The following BBX variants were observed in gnomAD, a reference collection of about 807,000 sequenced individuals.
BBX encodes the protein HMG box transcription factor BBX.
Under a neutral mutation model 100.2 loss-of-function variants are expected in BBX, and 30 were observed. The observed-to-expected ratio is 0.30, with a 90% CI of 0.22 to 0.41. The LOEUF is 0.41. BBX is among the 10% of genes least tolerant of loss of function. The probability of loss-of-function intolerance (pLI) is 1.00; values close to 1 mark genes in which losing one functional copy is unlikely to be tolerated. For synonymous variants in BBX, 376 were observed against 388.1 expected (o/e 0.97, Z 0.37); for missense variants, 1,023 against 1,129.8 (o/e 0.91, Z 1.35).
intron 2 of BBX, among the ~76,000 whole-genome samples, chr3:107,599,964 G>A (rs984639470): frequency 1.3e-5 from 2 of 152,160 alleles, no homozygotes; most frequent in African/African-American, 2.4e-5. Flanking sequence ...AGATTCATGA[G>A]GAGCTTTTTG....
intron 2 of BBX, among the ~76,000 whole-genome samples, chr3:107,558,782 T>G (rs2050267133): frequency 6.6e-6 from 1 of 152,174 alleles, no homozygotes; most frequent in Non-Finnish European, 1.5e-5. Context: ...TCAAGCAGCC[T>G]AGCACCGGAG....
At chr3:107,589,350 A>G (rs2053122623) in intron 2 of BBX, among the ~76,000 whole-genome samples, 1 of 152,174 alleles carries the variant, frequency 6.6e-6, no homozygotes, top group African/African-American at 2.4e-5. Context: ...GTAGAAGAAA[A>G]TGATTGGTAG....
intron 3 of BBX, among the ~76,000 whole-genome samples, chr3:107,703,943 T>C (rs911809851): frequency 6.6e-6 from 1 of 152,232 alleles, no homozygotes; most frequent in Non-Finnish European, 1.5e-5. Flanking sequence ...GGTATTTTCA[T>C]GGTCTATGAG....
At chr3:107,543,681 A>G (rs1299082805) in intron 2 of BBX, among the ~76,000 whole-genome samples, 1 of 152,238 alleles carries the variant, frequency 6.6e-6, no homozygotes, top group Admixed American at 6.5e-5. Flanking sequence ...CAAATGCCCT[A>G]AGTTTATTAC....
chr3:107,665,538 G>A lies in BBX; in HGVS notation c.-10+19629G>A, dbSNP rs559470847. 2.6e-5 allele frequency among the ~76,000 whole-genome samples: 4 copies of A among 152,222 alleles called. No homozygotes were observed. The South Asian group carries it at 8.3e-4, about 32-fold the overall frequency. On this transcript the variant is annotated intron_variant, in intron 3 of 17. Transcript: ENST00000325805. ...ATAACTGTGTCACAGCAACCTGCCA[G>A]TGATTGTCTCTCATAACCAAGCAAG...
At chr3:107,555,606 T>C (rs557718191) in intron 2 of BBX, among the ~76,000 whole-genome samples, 7 of 152,314 alleles carry the variant, frequency 4.6e-5, no homozygotes, top group Non-Finnish European at 1.0e-4. Flanking sequence ...AAAATACAAT[T>C]ATGTATCCCT....
At chr3:107,616,880 A>G (rs1261226334) in intron 2 of BBX, among the ~76,000 whole-genome samples, 1 of 152,136 alleles carries the variant, frequency 6.6e-6, no homozygotes, top group Admixed American at 6.5e-5. Context: ...TAGAAAAGCA[A>G]ATGTTTCAAA....
At chr3:107,574,146 T>G (rs1343775837) in intron 2 of BBX, among the ~76,000 whole-genome samples, 1 of 152,264 alleles carries the variant, frequency 6.6e-6, no homozygotes, top group African/African-American at 2.4e-5. Flanking sequence ...ATACTCACTC[T>G]GAAGCAGGCA....
intron 3 of BBX, among the ~76,000 whole-genome samples, chr3:107,679,922 A>T (rs895132638): frequency 1.9e-4 from 29 of 152,300 alleles, no homozygotes; most frequent in African/African-American, 6.5e-4. Flanking sequence ...AGCCTATGAC[A>T]ACCTGGAAGG....
chr3:107,609,804 A>T (rs914741462), intron 2 of BBX, among the ~76,000 whole-genome samples: 3 of 151,718 alleles, frequency 2.0e-5, no homozygotes, highest in Non-Finnish European at 4.4e-5. Context: ...CAATTTATTT[A>T]TCTTTTCAAA....
At chr3:107,657,050 T>TC (rs1398514795) in intron 3 of BBX, 2 of 152,034 alleles carry the variant, frequency 1.3e-5, no homozygotes, top group Non-Finnish European at 1.5e-5. Context: ...TACTTTTTTT[T>TC]CCCCTCAAAA....
At position 107,640,117 on chromosome 3, in the gene BBX, A is replaced by G. The variant is rs139361359; in HGVS notation, c.-83-5719A>G. Among the ~76,000 whole-genome samples the G allele has an allele frequency of 2.2e-4, 33 of 152,324 alleles. 1 individual carries two copies. The East Asian group carries it at 5.6e-3, about 26-fold the overall frequency. On this transcript the variant is annotated intron_variant, in intron 2 of 17. Transcript: ENST00000325805. ...TAGAGATGTAGGGATTGTTATCCCA[A>G]TTTTGCTGATGAGGAATAGAGGCTC...
intron 2 of BBX, among the ~76,000 whole-genome samples, chr3:107,561,696 A>G (rs1454417807): frequency 6.6e-6 from 1 of 152,194 alleles, no homozygotes; most frequent in East Asian, 1.9e-4. Context: ...AAATATGACA[A>G]TATCTGCTTC....
intron 2 of BBX, among the ~76,000 whole-genome samples, chr3:107,552,421 C>T (rs906804097): frequency 1.4e-5 from 2 of 138,786 alleles, no homozygotes; most frequent in East Asian, 4.6e-4. Flanking sequence ...GTTAGAGAAG[C>T]AACTGAAACA....
At chr3:107,614,148 C>T (rs1407580638) in intron 2 of BBX, among the ~76,000 whole-genome samples, 1 of 151,872 alleles carries the variant, frequency 6.6e-6, no homozygotes, top group East Asian at 1.9e-4. Context: ...GACGGGGTTT[C>T]CCCCTTTTGG....
At position 107,534,332 on chromosome 3, in the gene BBX, A is replaced by AT. The variant is rs1449065149; in HGVS notation, c.-84+7934_-84+7935insT. Among the ~76,000 whole-genome samples, 3 of 152,210 alleles carry AT rather than the reference A, an allele frequency of 2.0e-5. No individual in the cohort carries two copies. In the East Asian group the frequency reaches 5.8e-4, roughly 29 times the overall value. ...CAAGTGTAGAGTTCTCATGGACTGC[A>AT]GAGGGAATGTGGTGGAGCATGGAAC... On this transcript the variant is annotated intron_variant, in intron 2 of 17. Coordinates refer to ENST00000325805, the MANE Select transcript of BBX (RefSeq NM_001142568.3).
chr3:107,801,811 C>T (rs548666879), intron 17 of BBX, among the ~76,000 whole-genome samples: 1 of 152,104 alleles, frequency 6.6e-6, no homozygotes, highest in Non-Finnish European at 1.5e-5. Flanking sequence ...CAGTGCAGTT[C>T]AAGGGAAAGA....
chr3:107,658,600 C>T (rs13314153), intron 3 of BBX, among the ~76,000 whole-genome samples: 19,078 of 152,112 alleles, frequency 0.13, 1,439 homozygotes, highest in Middle Eastern at 0.19. Flanking sequence ...TACATAGCCA[C>T]TTTGGTTTTC....
At chr3:107,530,875 C>CA (rs1003228077) in intron 2 of BBX, among the ~76,000 whole-genome samples, 10 of 152,116 alleles carry the variant, frequency 6.6e-5, no homozygotes, top group African/African-American at 2.4e-4. Context: ...TTTTATTAAA[C>CA]AAAAAATACT....
Sources: allele counts gnomAD v4.1 joint callset (sites outside exome capture counted in the v4.1 genomes callset), GRCh38; gene constraint gnomAD v4.1.1; transcripts MANE v1.5; gene names NCBI Gene and HGNC (gene_info 2026-07-23, HGNC 2026-07-21).